LARP1: variants seen among roughly 807,000 people sequenced by gnomAD.
LARP1 encodes the protein La ribonucleoprotein 1, translational regulator.
Under a neutral mutation model 122.7 loss-of-function variants are expected in LARP1, and 36 were observed. The observed-to-expected ratio is 0.29, with a 90% CI of 0.22 to 0.39. The LOEUF (loss-of-function observed/expected upper bound fraction) is 0.39, where lower values mean the gene tolerates loss of function less well. LARP1 is among the 10% of genes least tolerant of loss of function. The pLI is 1.00. For missense variants in LARP1, 1,040 were observed against 1,403.6 expected (o/e 0.74, Z 4.14); for synonymous variants, 539 against 528.7 (o/e 1.02, Z -0.27).
intron 8 of LARP1, among the ~76,000 whole-genome samples, chr5:154,796,079 ATATT>A (rs1320768834): frequency 3.4e-5 from 4 of 117,870 alleles, no homozygotes; most frequent in Admixed American, 1.2e-4. Flanking sequence ...TATAGTATAT[ATATT>A]ATATATATAT....
chr5:154,793,775 T>C (rs749011068), intron 5 of LARP1, 25 bp from the exon 6 acceptor site: 1 of 1,614,148 alleles, frequency 6.2e-7, no homozygotes, highest in South Asian at 1.1e-5. Flanking sequence ...CCCTCAGGCC[T>C]GACCTGGTAC....
intron 1 of LARP1, among the ~76,000 whole-genome samples, chr5:154,734,559 T>C (rs1387657027): frequency 6.6e-6 from 1 of 152,180 alleles, no homozygotes; most frequent in Non-Finnish European, 1.5e-5. Context: ...ACAAAAATAG[T>C]ATCACACTGA....
At chr5:154,757,856 G>GCTCCCCTTCCCCCCTC (rs1754116943) in intron 1 of LARP1, among the ~76,000 whole-genome samples, 5 of 33,414 alleles carry the variant, frequency 1.5e-4, no homozygotes, top group Admixed American at 5.3e-4. Flanking sequence ...CTTCCCCCCT[G>GCTCCCCTTCCCCCCTC]CTCCCCTTCC....
chr5:154,761,572 G>C (rs528238740), intron 1 of LARP1, among the ~76,000 whole-genome samples: 1 of 152,324 alleles, frequency 6.6e-6, no homozygotes, highest in South Asian at 2.1e-4. Context: ...CTCAAAGGGA[G>C]TAATTAGGGT....
At chr5:154,690,864 T>A (rs1279838680) in intron 1 of LARP1, among the ~76,000 whole-genome samples, 1 of 151,898 alleles carries the variant, frequency 6.6e-6, no homozygotes, top group African/African-American at 2.4e-5. Context: ...AAAATAGATA[T>A]AAAAAAAACC....
chr5:154,734,659 A>T (rs1289883324), intron 1 of LARP1, among the ~76,000 whole-genome samples: 9 of 152,142 alleles, frequency 5.9e-5, no homozygotes, highest in Admixed American at 3.9e-4. Flanking sequence ...TTTTTTAATT[A>T]AAAAAATTCC....
intron 1 of LARP1, among the ~76,000 whole-genome samples, chr5:154,741,509 C>T (rs1328847939): frequency 6.6e-6 from 1 of 152,048 alleles, no homozygotes; most frequent in Non-Finnish European, 1.5e-5. Flanking sequence ...CCAGGCTGAT[C>T]AAGGGTGGTC....
Position 154,816,660 on chromosome 5 carries a change from C to T in LARP1, c.*2564C>T, listed in dbSNP as rs1759689976. On this transcript the variant is annotated 3_prime_UTR_variant, in exon 19 of 19. Coordinates refer to ENST00000518297, the MANE Select transcript of LARP1 (RefSeq NM_033551.3). ...GACCGATGTATCTGTGACAAGCATG[C>T]CAGAAGTGGCAGGGGCCATCAGGGC... 3 of 152,610 alleles carry T rather than the reference C, an allele frequency of 2.0e-5. No homozygotes were observed. The highest frequency in any genetic ancestry group is 7.2e-5 in the African/African-American group (3 of 41,446). The allele number at this position is 152,610 out of a possible 1,614,324, so 9.5% of individuals were successfully genotyped here. A position where few individuals can be genotyped will look rare whatever the true frequency, so the allele number is the denominator to read the frequency against.
chr5:154,700,755 C>T (rs963603071), intron 1 of LARP1, among the ~76,000 whole-genome samples: 1 of 151,816 alleles, frequency 6.6e-6, no homozygotes, highest in Non-Finnish European at 1.5e-5. Flanking sequence ...TCCCAAATAG[C>T]CGGGATTACA....
chr5:154,804,932 T>A (rs940023517), intron 14 of LARP1: 70 of 456,248 alleles, frequency 1.5e-4, no homozygotes, highest in African/African-American at 1.3e-3. Flanking sequence ...ACGAAGGGCG[T>A]GGGGTGCCCA....
At chr5:154,695,936 A>G (rs547968037) in intron 1 of LARP1, among the ~76,000 whole-genome samples, 1 of 152,318 alleles carries the variant, frequency 6.6e-6, no homozygotes, top group South Asian at 2.1e-4. Context: ...ATCACAATAT[A>G]TGGAGGTGAT....
intron 1 of LARP1, among the ~76,000 whole-genome samples, chr5:154,742,944 G>C (rs1327614477): frequency 6.6e-6 from 1 of 152,136 alleles, no homozygotes; most frequent in African/African-American, 2.4e-5. Flanking sequence ...AGCAGAAAGG[G>C]AAGCAGTGTG....
chr5:154,755,816 A>C lies in LARP1; in HGVS notation c.59A>C (p.Glu20Ala). The C allele has an allele frequency of 1.0e-5, 10 of 995,172 alleles. No homozygotes were observed. Among genetic ancestry groups the C allele is most frequent in the Non-Finnish European group, 1.2e-5 (10 of 835,712 alleles). The allele number at this position is 995,172 out of a possible 1,614,324, so 61.6% of individuals were successfully genotyped here. A position where few individuals can be genotyped will look rare whatever the true frequency, so the allele number is the denominator to read the frequency against. Reference sequence around the variant, plus strand: ...GGCGCCACGCTCTTGCAGGCCGAAGAGCACGGGGGGCTGGTGAGGAAGAAG... The same window carrying C: ...GGCGCCACGCTCTTGCAGGCCGAAGCGCACGGGGGGCTGGTGAGGAAGAAG... ...PGGATLLQAE[E>A]HGGLVRKKPP... is the part of the protein sequence containing the mutation. Residue 20 changes from glutamate to alanine, a missense_variant, in exon 1 of 19, where the codon GAG becomes GCG. Physicochemically the swap from Glu to Ala is moderately radical, Grantham distance 107. Coordinates refer to ENST00000518297, the MANE Select transcript of LARP1 (RefSeq NM_033551.3).
chr5:154,691,056 G>T (rs1754176350), intron 1 of LARP1, among the ~76,000 whole-genome samples: 1 of 151,910 alleles, frequency 6.6e-6, no homozygotes, highest in Non-Finnish European at 1.5e-5. Flanking sequence ...TCAGGAGATC[G>T]AGACCATCCT....
intron 1 of LARP1, among the ~76,000 whole-genome samples, chr5:154,774,424 G>T (rs1166342195): frequency 6.6e-6 from 1 of 152,168 alleles, no homozygotes; most frequent in Non-Finnish European, 1.5e-5. Context: ...GGGGTGCCTT[G>T]GTTTGCACTC....
chr5:154,798,510 C>T (rs149689869), intron 8 of LARP1, among the ~76,000 whole-genome samples: 3 of 152,246 alleles, frequency 2.0e-5, no homozygotes, highest in African/African-American at 7.2e-5. Flanking sequence ...AACTGCTGCT[C>T]CTATAGATGG....
rs576462883 is a variant in LARP1 at position 154,785,179 on chromosome 5, A to G, written c.437-5146A>G. On this transcript the variant is annotated intron_variant, in intron 1 of 18. Coordinates refer to ENST00000518297, the MANE Select transcript of LARP1 (RefSeq NM_033551.3). ...CCTGGGGAAACTTGCCCTGGGGCCC[A>G]GGTGCCTCCTGTCTCTGAAGGGCAA... Among the ~76,000 whole-genome samples the G allele has an allele frequency of 7.2e-5, 11 of 152,334 alleles. No homozygotes were observed. In the South Asian group the frequency reaches 2.3e-3, roughly 32 times the overall value.
At chr5:154,690,865 A>T (rs1020071309) in intron 1 of LARP1, among the ~76,000 whole-genome samples, 108 of 152,232 alleles carry the variant, frequency 7.1e-4, no homozygotes, top group Middle Eastern at 3.4e-3. Context: ...AAATAGATAT[A>T]AAAAAAACCC....
chr5:154,783,920 T>G (rs1432190181), intron 1 of LARP1, among the ~76,000 whole-genome samples: 2 of 152,148 alleles, frequency 1.3e-5, no homozygotes, highest in African/African-American at 4.8e-5. Flanking sequence ...GGTAGAATGG[T>G]AGGTAATGCT....
Sources: allele counts gnomAD v4.1 joint callset (sites outside exome capture counted in the v4.1 genomes callset), GRCh38; gene constraint gnomAD v4.1.1; transcripts MANE v1.5; gene names NCBI Gene and HGNC (gene_info 2026-07-23, HGNC 2026-07-21).